ZNF426: variants seen among roughly 807,000 people sequenced by gnomAD.
The protein encoded by ZNF426 is zinc finger protein 426, also known as CTC-543D15.7.
Under a neutral mutation model 24.0 loss-of-function variants are expected in ZNF426, and 23 were observed. That is an observed-to-expected ratio of 0.96 (90% confidence interval 0.69 to 1.36). ZNF426 has a LOEUF of 1.36. Among genes scored for constraint, ZNF426 ranks in the 40% most tolerant of loss-of-function variants. The pLI is 0.00. For synonymous variants in ZNF426, 272 were observed against 224.6 expected (o/e 1.21, Z -1.89); for missense variants, 646 against 658.4 (o/e 0.98, Z 0.21).
At chr19:9,531,877 T>A (rs970130047) in intron 6 of ZNF426, among the ~76,000 whole-genome samples, 1 of 152,014 alleles carries the variant, frequency 6.6e-6, no homozygotes, top group African/African-American at 2.4e-5. Context: ...CCCAGCTACT[T>A]GGGAGGCTGA....
rs1333477623 is a variant in ZNF426 at position 9,529,470 on chromosome 19, G to A, written c.575C>T (p.Thr192Ile). The A allele has an allele frequency of 8.1e-6, 13 of 1,613,972 alleles. No individual in the cohort carries two copies. The highest frequency in any genetic ancestry group is 1.6e-4 in the Middle Eastern group (1 of 6,084). ...ATTAAACTCAGAAAGTTTCTCACCAGTAGAGGTTTTCTCACACAGGGTAAG... is the reference window on the plus strand; with the variant it reads ...ATTAAACTCAGAAAGTTTCTCACCAATAGAGGTTTTCTCACACAGGGTAAG... ...DFLTLCEKTSTGEKLSEFNQS... is the reference protein window; with the variant it reads ...DFLTLCEKTSIGEKLSEFNQS... The change falls in exon 8 of 8, where the codon ACT (threonine) becomes ATT (isoleucine). Residue 192 changes from threonine (T) to isoleucine (I), a missense_variant. Thr to Ile is a moderately conservative substitution (Grantham distance 89). Transcript: ENST00000253115.
At position 9,538,292 on chromosome 19, in the gene ZNF426, G is replaced by C. The variant is rs1256821701; in HGVS notation, c.-158C>G. ...TCAGAAATCGCCAGGTCCCTGAACC[G>C]GGAAGATCCTGGGGACGGAGCCAAC... is the stretch of plus-strand genomic sequence containing the variant. On this transcript the variant is annotated 5_prime_UTR_variant, in exon 2 of 8. Coordinates refer to ENST00000253115, the MANE Select transcript of ZNF426 (RefSeq NM_024106.3). 6.6e-6 allele frequency: 1 copy of C among 152,194 alleles called. No individual in the cohort carries two copies. Among genetic ancestry groups the C allele is most frequent in the Non-Finnish European group, 1.5e-5 (1 of 68,036 alleles). 9.4% of individuals were successfully genotyped at this position (152,194 alleles called of 1,614,324 possible).
intron 4 of ZNF426, among the ~76,000 whole-genome samples, chr19:9,534,395 T>C (rs779310965): frequency 4.6e-5 from 7 of 151,990 alleles, no homozygotes; most frequent in Middle Eastern, 3.4e-3. Context: ...TTAGTAGAGA[T>C]AGGGTTTCAG....
intron 2 of ZNF426, among the ~76,000 whole-genome samples, chr19:9,537,003 G>A (rs538225690): frequency 5.3e-5 from 8 of 151,938 alleles, no homozygotes; most frequent in African/African-American, 7.2e-5. Context: ...CGTGGTGTGC[G>A]GCTGTAATCC....
rs769934986 is a variant in ZNF426, at chr19:9,528,470, A to T, written c.1575T>A (p.Thr525=). 1.9e-5 allele frequency: 31 copies of T among 1,613,900 alleles called. No individual in the cohort carries two copies. Among genetic ancestry groups the T allele is most frequent in the East Asian group, 2.2e-5 (1 of 44,890 alleles). ...ATTTATAGGGTTTCTCTTCTGTGTGAGTTTTTTCATGAATTCTAAAGGAAC... is the reference window on the plus strand; with the variant it reads ...ATTTATAGGGTTTCTCTTCTGTGTGTGTTTTTTCATGAATTCTAAAGGAAC... ...CSSSFRIHEK[T]HTEEKPYKCQ... Residue 525 remains threonine (T), a synonymous_variant, in exon 8 of 8, where the codon ACT becomes ACA. Coordinates refer to ENST00000253115, the MANE Select transcript of ZNF426 (RefSeq NM_024106.3).
rs763728751 is a variant in ZNF426, at chr19:9,529,067, A to G, written c.978T>C (p.His326=). 10 of 1,613,570 alleles carry G rather than the reference A, an allele frequency of 6.2e-6. No homozygotes were observed. The highest frequency in any genetic ancestry group is 1.6e-4 in the Middle Eastern group (1 of 6,062). Residue 326 remains histidine, a synonymous_variant, in exon 8 of 8, where the codon CAT becomes CAC. Transcript: ENST00000253115. Reference sequence around the variant, plus strand: ...GTTTCTCTCCAGTGTGAGTTCTTCCATGTATCTGAAATGAGTTGGAATAAT... The same window carrying G: ...GTTTCTCTCCAGTGTGAGTTCTTCCGTGTATCTGAAATGAGTTGGAATAAT... ...AFNYSNSFQI[H]GRTHTGEKPY...
rs117982266 is a variant in ZNF426, at chr19:9,536,420, G to A, written c.-124-64C>T. ...TCATCAGCCATCAAACATATACACC[G>A]GCTGGGGCAGTAGCTCATGCCTGTA... is the stretch of plus-strand genomic sequence containing the variant. On this transcript the variant is annotated intron_variant, in intron 2 of 7. Coordinates refer to ENST00000253115, the MANE Select transcript of ZNF426 (RefSeq NM_024106.3). 2,178 of 1,449,966 alleles carry A rather than the reference G, an allele frequency of 1.5e-3. 3 individuals carry two copies. Among genetic ancestry groups the A allele is most frequent in the Non-Finnish European group, 1.8e-3 (1,980 of 1,083,330 alleles). 89.8% of individuals were successfully genotyped at this position (1,449,966 alleles called of 1,614,324 possible). A position where few individuals can be genotyped will look rare whatever the true frequency, so the allele number is the denominator to read the frequency against.
rs766962996 is a variant in ZNF426, at chr19:9,536,249, G to A, written c.-17C>T. On this transcript the variant is annotated 5_prime_UTR_variant, in exon 3 of 8. In the 5' UTR this introduces an upstream ATG that the reference lacks. Transcript: ENST00000253115. The stretch of plus-strand genomic sequence containing the variant: ...AGCTGCCATCCCGCGAGGTGAGAAC[G>A]TGTCAGAACCCTCCTTTCATTGATG... The A allele has an allele frequency of 1.6e-5, 26 of 1,614,074 alleles. No homozygotes were observed. In the East Asian group the frequency reaches 3.6e-4, roughly 22 times the overall value.
At chr19:9,529,737 G>T in intron 7 of ZNF426, 101 bp from the exon 8 acceptor site, 1 of 1,172,398 alleles carries the variant, frequency 8.5e-7, no homozygotes, top group Non-Finnish European at 1.2e-6. Flanking sequence ...TATAATTGAT[G>T]CCATTTTTAT....
rs750219529 is a variant in ZNF426, at chr19:9,529,594, A to G, written c.451T>C (p.Cys151Arg). 8.1e-6 allele frequency: 13 copies of G among 1,604,692 alleles called. No homozygotes were observed. In the South Asian group the frequency reaches 1.1e-4, roughly 14 times the overall value. The change falls in exon 8 of 8, where the codon TGT (cysteine) becomes CGT (arginine). Residue 151 changes from cysteine (C) to arginine (R), a missense_variant. Coordinates refer to ENST00000253115, the MANE Select transcript of ZNF426 (RefSeq NM_024106.3). ...NGRELCDCEQ[C>R]GEVFSEHSCL... ...GAGTGTTCACTGAAGACTTCTCCAC[A>G]TTGCTCACAGTCACAGAGTTCCCTT...
chr19:9,531,103 A>C lies in ZNF426; in HGVS notation c.326-36T>G. ...ACAGACAAACAAATAAAAGGACTCAAGCTAGGCACAGTGGCTCATGCCTGT... is the reference window on the plus strand; with the variant it reads ...ACAGACAAACAAATAAAAGGACTCACGCTAGGCACAGTGGCTCATGCCTGT... On this transcript the variant is annotated intron_variant, in intron 6 of 7. Coordinates refer to ENST00000253115, the MANE Select transcript of ZNF426 (RefSeq NM_024106.3). 3 of 1,544,130 alleles carry C rather than the reference A, an allele frequency of 1.9e-6. No homozygotes were observed. The South Asian group carries it at 3.3e-5, about 17-fold the overall frequency.
rs1369366429 is a variant in ZNF426, at chr19:9,529,583, G to A, written c.462C>T (p.Val154=). Reference sequence around the variant, plus strand: ...TCTTAAGGCATGAGTGTTCACTGAAGACTTCTCCACATTGCTCACAGTCAC... The same window carrying A: ...TCTTAAGGCATGAGTGTTCACTGAAAACTTCTCCACATTGCTCACAGTCAC... ...ELCDCEQCGE[V]FSEHSCLKTH... is the part of the protein sequence containing the mutation. Residue 154 remains valine (V), a synonymous_variant, in exon 8 of 8, where the codon GTC becomes GTT. Coordinates refer to ENST00000253115, the MANE Select transcript of ZNF426 (RefSeq NM_024106.3). 1 of 1,607,482 alleles carries A rather than the reference G, an allele frequency of 6.2e-7. No homozygotes were observed. The highest frequency in any genetic ancestry group is 1.7e-5 in the Admixed American group (1 of 59,922).
At chr19:9,531,726 T>C (rs2073887139) in intron 6 of ZNF426, among the ~76,000 whole-genome samples, 1 of 152,208 alleles carries the variant, frequency 6.6e-6, no homozygotes, top group African/African-American at 2.4e-5. Flanking sequence ...GGCTCATGCC[T>C]TTAATCCCAG....
At position 9,533,852 on chromosome 19, in the gene ZNF426, G is replaced by A; in HGVS notation, c.232C>T (p.Leu78=). 1 of 1,614,138 alleles carries A rather than the reference G, an allele frequency of 6.2e-7. No homozygotes were observed. The highest frequency in any genetic ancestry group is 1.3e-5 in the African/African-American group (1 of 75,068). Residue 78 remains leucine (L), a synonymous_variant, in exon 5 of 8, where the codon CTG becomes TTG. Transcript: ENST00000253115. ...SDVMLENYKN[L]ATVGGQIIKP... ...AGGCCAGTCTTACCTACTGTGGCCA[G>A]GTTCTTGTAGTTCTCCAGCATCACG...
chr19:9,525,334 A>C lies in ZNF426; in HGVS notation c.*3046T>G, dbSNP rs901149754. Reference sequence around the variant, plus strand: ...TCCTTTTCAACATTTCTTATGCTGAAAGGGCATCTCTCCAGAGTAAATTTT... The same window carrying C: ...TCCTTTTCAACATTTCTTATGCTGACAGGGCATCTCTCCAGAGTAAATTTT... On this transcript the variant is annotated 3_prime_UTR_variant, in exon 8 of 8. Coordinates refer to ENST00000253115, the MANE Select transcript of ZNF426 (RefSeq NM_024106.3). The C allele has an allele frequency of 1.3e-4, 20 of 152,360 alleles. No homozygotes were observed. Among genetic ancestry groups the C allele is most frequent in the African/African-American group, 4.8e-4 (20 of 41,584 alleles). 9.4% of individuals were successfully genotyped at this position (152,360 alleles called of 1,614,324 possible). A position where few individuals can be genotyped will look rare whatever the true frequency, so the allele number is the denominator to read the frequency against.
intron 3 of ZNF426, among the ~76,000 whole-genome samples, chr19:9,535,622 C>T (rs1028223314): frequency 3.3e-5 from 5 of 152,012 alleles, no homozygotes; most frequent in Non-Finnish European, 5.9e-5. Context: ...CCTAGGAGTT[C>T]GAGACTACCC....
At chr19:9,529,668 T>C (rs775070413) in intron 7 of ZNF426, 32 bp from the exon 8 acceptor site, 6 of 1,550,196 alleles carry the variant, frequency 3.9e-6, no homozygotes, top group East Asian at 2.2e-5. Flanking sequence ...TTTAAGGATT[T>C]TTCTCAAACA....
chr19:9,525,143 G>A lies in ZNF426; in HGVS notation c.*3237C>T, dbSNP rs2073779247. ...GGGCGCCTGTAGTCCCAGCTACTCGGGAGGCTGAGGCAGGAGAATGGCGTG... is the reference window on the plus strand; with the variant it reads ...GGGCGCCTGTAGTCCCAGCTACTCGAGAGGCTGAGGCAGGAGAATGGCGTG... On this transcript the variant is annotated 3_prime_UTR_variant, in exon 8 of 8. Coordinates refer to ENST00000253115, the MANE Select transcript of ZNF426 (RefSeq NM_024106.3). The A allele has an allele frequency of 6.6e-6, 1 of 151,310 alleles. No homozygotes were observed. Among genetic ancestry groups the A allele is most frequent in the African/African-American group, 2.4e-5 (1 of 41,176 alleles). 9.4% of individuals were successfully genotyped at this position (151,310 alleles called of 1,614,324 possible).
intron 5 of ZNF426, among the ~76,000 whole-genome samples, chr19:9,533,366 G>T (rs943064314): frequency 6.6e-6 from 1 of 152,128 alleles, no homozygotes; most frequent in Admixed American, 6.6e-5. Context: ...TGAGGCCCAA[G>T]AATCGCTTGA....
Sources: allele counts gnomAD v4.1 joint callset (sites outside exome capture counted in the v4.1 genomes callset), GRCh38; gene constraint gnomAD v4.1.1; transcripts MANE v1.5; gene names NCBI Gene and HGNC (gene_info 2026-07-23, HGNC 2026-07-21).